The following MARK4 variants were observed in gnomAD, a reference collection of about 807,000 sequenced individuals.
MARK4 encodes the protein MAP/microtubule affinity-regulating kinase 4.
In MARK4, 19 loss-of-function variants were observed where a neutral mutation model predicts 81.5. That is an observed-to-expected ratio of 0.23 (90% CI 0.16 to 0.34). The LOEUF (loss-of-function observed/expected upper bound fraction) is 0.34, where lower values mean the gene tolerates loss of function less well. Ranked by LOEUF, MARK4 falls within the 10% of genes least tolerant of loss-of-function variation. The pLI is 1.00. For synonymous variants in MARK4, 436 were observed against 439.0 expected, an observed-to-expected ratio of 0.99 and a Z score of 0.08; for missense variants, 772 against 1,058.8, an observed-to-expected ratio of 0.73 and a Z score of 3.76.
At position 45,303,168 on chromosome 19, in the gene MARK4, C is replaced by G. The variant is rs2123121079; in HGVS notation, c.*458C>G. On this transcript the variant is annotated 3_prime_UTR_variant, in exon 17 of 17. Transcript: ENST00000262891. Reference sequence around the variant, plus strand: ...CCCTCCCGTCCCCTCACGCTCAAACCCCCACTTCCTGCCCCAGGCTGGCGC... The same window carrying G: ...CCCTCCCGTCCCCTCACGCTCAAACGCCCACTTCCTGCCCCAGGCTGGCGC... The G allele has an allele frequency of 5.4e-6, 1 of 186,316 alleles. No homozygotes were observed. The highest frequency in any genetic ancestry group is 2.4e-5 in the African/African-American group (1 of 41,824). 11.5% of individuals were successfully genotyped at this position (186,316 alleles called of 1,614,324 possible).
intron 13 of MARK4, among the ~76,000 whole-genome samples, chr19:45,293,880 T>C (rs1390803382): frequency 1.3e-5 from 2 of 152,046 alleles, no homozygotes; most frequent in Non-Finnish European, 2.9e-5. Context: ...GGTGGTAGAT[T>C]ATGAACTGAC....
Position 45,298,181 on chromosome 19 carries a change from G to T in MARK4, c.1877+227G>T, listed in dbSNP as rs369073915. The T allele has an allele frequency of 3.1e-6, 5 of 1,613,716 alleles. No individual in the cohort carries two copies. The African/African-American group carries it at 6.7e-5, about 22-fold the overall frequency. On this transcript the variant is annotated intron_variant, in intron 15 of 16. Transcript: ENST00000262891. ...CCCTCTAAACGGCAGAACTCTAACCGCTGTGTTTCGGGCGCCTCTCTGCCC... is the reference window on the plus strand; with the variant it reads ...CCCTCTAAACGGCAGAACTCTAACCTCTGTGTTTCGGGCGCCTCTCTGCCC...
At chr19:45,262,360 G>T (rs1970391795) in intron 2 of MARK4, among the ~76,000 whole-genome samples, 1 of 131,510 alleles carries the variant, frequency 7.6e-6, no homozygotes, top group Non-Finnish European at 1.6e-5. Flanking sequence ...GGGCGGGGGG[G>T]TGGGGTGGGT....
At chr19:45,273,120 G>A (rs1045383176) in intron 8 of MARK4, among the ~76,000 whole-genome samples, 2 of 151,012 alleles carry the variant, frequency 1.3e-5, no homozygotes, top group East Asian at 1.9e-4. Context: ...GGTGTGGGCT[G>A]AGTTGTTGCT....
rs1970761771 is a variant in MARK4 at position 45,287,598 on chromosome 19, C to T, written c.1428C>T (p.Val476=). ...SRGLPPSSPM[V]SSAHNPNKAE... ...GGCTGCCCCCCTCCAGCCCCATGGT[C>T]AGCAGCGCCCACAACCCCAACAAGG... The change falls in exon 13 of 17, where the codon GTC becomes GTT. Residue 476 remains valine, a synonymous_variant. Coordinates refer to ENST00000262891, the MANE Select transcript of MARK4 (RefSeq NM_001199867.2). The T allele has an allele frequency of 1.9e-6, 3 of 1,597,734 alleles. No homozygotes were observed. The highest frequency in any genetic ancestry group is 1.1e-5 in the South Asian group (1 of 89,840).
At chr19:45,275,339 G>A (rs1022041807) in intron 8 of MARK4, among the ~76,000 whole-genome samples, 4 of 152,128 alleles carry the variant, frequency 2.6e-5, no homozygotes, top group Non-Finnish European at 5.9e-5. Flanking sequence ...TTTTAAATTA[G>A]CCTGGCATTG....
intron 6 of MARK4, among the ~76,000 whole-genome samples, chr19:45,265,332 G>C (rs1970437506): frequency 6.6e-6 from 1 of 151,662 alleles, no homozygotes; most frequent in Non-Finnish European, 1.5e-5. Flanking sequence ...GTGGGGAAGA[G>C]AGTGTAGGGC....
intron 5 of MARK4, 43 bp from the exon 6 acceptor site, chr19:45,264,797 C>T (rs1970429402): frequency 1.2e-6 from 2 of 1,613,778 alleles, no homozygotes; most frequent in Non-Finnish European, 1.7e-6. Flanking sequence ...CCTCCCCCTG[C>T]CGCTGCACCT....
intron 12 of MARK4, among the ~76,000 whole-genome samples, chr19:45,280,993 G>A (rs1175358691): frequency 1.3e-5 from 2 of 151,894 alleles, no homozygotes; most frequent in Non-Finnish European, 2.9e-5. Flanking sequence ...CTCTCTGCTT[G>A]TGTGGTTTTT....
rs553788903 is a variant in MARK4, at chr19:45,305,171, A to C, written c.*2461A>C. 1 of 153,004 alleles carries C rather than the reference A, an allele frequency of 6.5e-6. No individual in the cohort carries two copies. Among genetic ancestry groups the C allele is most frequent in the East Asian group, 1.9e-4 (1 of 5,194 alleles). The allele number at this position is 153,004 out of a possible 1,614,324, so 9.5% of individuals were successfully genotyped here. ...GCAGGACCTGGTAACAGGTGTCTGG[A>C]CTGTGGCTTTGGCTGGCTCAGAAGG... On this transcript the variant is annotated 3_prime_UTR_variant, in exon 17 of 17. Transcript: ENST00000262891.
chr19:45,253,268 G>A (rs1219020129), intron 1 of MARK4, among the ~76,000 whole-genome samples: 3 of 150,258 alleles, frequency 2.0e-5, no homozygotes, highest in East Asian at 1.9e-4. Context: ...AGACCACCCC[G>A]CATCATCACT....
intron 15 of MARK4, 147 bp downstream of exon 15, chr19:45,298,101 C>T: frequency 6.5e-7 from 1 of 1,532,436 alleles, no homozygotes; most frequent in South Asian, 1.1e-5. Context: ...CTCCTCCTTT[C>T]CTCCTCCCCT....
intron 7 of MARK4, among the ~76,000 whole-genome samples, chr19:45,270,782 T>G (rs1006604106): frequency 6.6e-6 from 1 of 152,020 alleles, no homozygotes; most frequent in African/African-American, 2.4e-5. Context: ...ATCTTTATGT[T>G]TTTTTGAGAC....
rs368195899 is a variant in MARK4 at position 45,287,700 on chromosome 19, G to A, written c.1494+36G>A. 157 of 1,580,080 alleles carry A rather than the reference G, an allele frequency of 9.9e-5. No homozygotes were observed. In the African/African-American group the frequency reaches 1.9e-3, roughly 19 times the overall value. On this transcript the variant is annotated intron_variant, in intron 13 of 16. Transcript: ENST00000262891. Reference sequence around the variant, plus strand: ...AGGGCTGGGGGGCAGGGCTGGGGGCGCCACCTGGGCCACATTCCTCAGGCC... The same window carrying A: ...AGGGCTGGGGGGCAGGGCTGGGGGCACCACCTGGGCCACATTCCTCAGGCC...
rs149409038 is a variant in MARK4, at chr19:45,296,565, C to T, written c.1599-1111C>T. Among the ~76,000 whole-genome samples, 25 of 152,360 alleles carry T rather than the reference C, an allele frequency of 1.6e-4. No individual in the cohort carries two copies. The East Asian group carries it at 4.6e-3, about 28-fold the overall frequency. On this transcript the variant is annotated intron_variant, in intron 14 of 16. Transcript: ENST00000262891. The stretch of plus-strand genomic sequence containing the variant: ...CCGGAGCATGGTCACATAACCATCT[C>T]TAGCTGCAAGAGAGTCTGGGAAATG...
intron 1 of MARK4, 56 bp from the exon 2 acceptor site, chr19:45,258,933 C>CACGG (rs1970344184): frequency 1.3e-6 from 2 of 1,576,342 alleles, no homozygotes; most frequent in African/African-American, 2.7e-5. Context: ...TGCACTAGCC[C>CACGG]ACGGGTTCCA....
rs749272894 is a variant in MARK4 at position 45,287,496 on chromosome 19, G to A, written c.1326G>A (p.Thr442=). 1.3e-4 allele frequency: 191 copies of A among 1,521,910 alleles called. 1 individual carries two copies. The South Asian group carries it at 2.1e-3, about 17-fold the overall frequency. The allele number at this position is 1,521,910 out of a possible 1,614,324, so 94.3% of individuals were successfully genotyped here. ...PLHPKRSPTS[T]GEAELKEERL... ...ACCCCAAACGCAGCCCGACGAGCAC[G>A]GGGGAGGCGGAGCTGAAGGAGGAGC... The change falls in exon 13 of 17, where the codon ACG becomes ACA. Residue 442 remains threonine (T), a synonymous_variant. Transcript: ENST00000262891.
intron 9 of MARK4, among the ~76,000 whole-genome samples, 180 bp from the exon 10 acceptor site, chr19:45,278,336 T>C (rs543960097): frequency 4.0e-5 from 6 of 151,416 alleles, no homozygotes; most frequent in Admixed American, 2.0e-4. Flanking sequence ...GGAGGGAGGG[T>C]GGCATCAGGA....
At chr19:45,264,781 G>C (rs769347931) in intron 5 of MARK4, 32 bp downstream of exon 5, 2 of 1,613,932 alleles carry the variant, frequency 1.2e-6, no homozygotes, top group African/African-American at 1.3e-5. Context: ...CCCTGCCCCT[G>C]TGCCACCTCC....
Sources: allele counts gnomAD v4.1 joint callset (sites outside exome capture counted in the v4.1 genomes callset), GRCh38; gene constraint gnomAD v4.1.1; transcripts MANE v1.5; gene names NCBI Gene and HGNC (gene_info 2026-07-23, HGNC 2026-07-21).